The following CALR3 variants were observed in gnomAD, a reference collection of about 807,000 sequenced individuals.
CALR3 encodes calreticulin-3.
Under a neutral mutation model 48.7 loss-of-function variants are expected in CALR3, and 39 were observed. The observed-to-expected ratio is 0.80, with a 90% confidence interval of 0.62 to 1.05. The LOEUF is 1.05. CALR3 is among the 50% of genes least tolerant of loss of function. The pLI is 0.00. For synonymous variants in CALR3, 185 were observed against 172.7 expected (o/e 1.07, Z -0.56); for missense variants, 449 against 474.7 (o/e 0.95, Z 0.50).
chr19:16,483,679 C>T (rs189435926), intron 5 of CALR3: 1 of 445,814 alleles, frequency 2.2e-6, no homozygotes, highest in Non-Finnish European at 4.1e-6. Context: ...GATCACGCCA[C>T]TGCACTCCAG....
intron 3 of CALR3, among the ~76,000 whole-genome samples, chr19:16,486,456 C>G (rs2093389230): frequency 6.6e-6 from 1 of 151,712 alleles, no homozygotes; most frequent in Non-Finnish European, 1.5e-5. Context: ...CCCACCTCTA[C>G]TAAAAATACA....
chr19:16,482,832 T>C (rs2093383286), intron 5 of CALR3, 47 bp from the exon 6 acceptor site: 1 of 1,526,900 alleles, frequency 6.5e-7, no homozygotes, highest in Non-Finnish European at 8.9e-7. Context: ...GATGCTCATA[T>C]ATTTGTTGTT....
Position 16,484,041 on chromosome 19 carries a change from C to A in CALR3, c.567G>T (p.Gln189His). The A allele has an allele frequency of 6.2e-7, 1 of 1,614,070 alleles. No individual in the cohort carries two copies. Among genetic ancestry groups the A allele is most frequent in the Non-Finnish European group, 8.5e-7 (1 of 1,179,990 alleles). Reference sequence around the variant, plus strand: ...ACTCTATGCTGCCGGATTCAATTGACTGACCATCAATTTTCACATCATAAG... The same window carrying A: ...ACTCTATGCTGCCGGATTCAATTGAATGACCATCAATTTTCACATCATAAG... ...DLSYDVKIDGQSIESGSIEYD... is the reference protein window; with the variant it reads ...DLSYDVKIDGHSIESGSIEYD... The change falls in exon 5 of 9, where the codon CAG (glutamine) becomes CAT (histidine). Residue 189 changes from glutamine (Q) to histidine (H), a missense_variant. Gln to His is a conservative substitution (Grantham distance 24). Transcript: ENST00000269881.
intron 3 of CALR3, among the ~76,000 whole-genome samples, chr19:16,487,144 C>G (rs759562325): frequency 1.3e-4 from 19 of 151,712 alleles, no homozygotes; most frequent in Non-Finnish European, 1.8e-4. Context: ...TAGCTAGAAC[C>G]ACAGGGGTGC....
chr19:16,494,495 G>C (rs548870253), intron 2 of CALR3, among the ~76,000 whole-genome samples: 23 of 152,236 alleles, frequency 1.5e-4, no homozygotes, highest in Non-Finnish European at 2.6e-4. Flanking sequence ...CCGAGTAGCT[G>C]GGACTACAGG....
At chr19:16,495,648 T>C (rs898908308) in intron 2 of CALR3, 103 bp downstream of exon 2, 3 of 845,606 alleles carry the variant, frequency 3.5e-6, no homozygotes, top group African/African-American at 3.4e-5. Context: ...TGTCTTCATC[T>C]GTAAAACGGG....
Position 16,487,041 on chromosome 19 carries a change from T to C in CALR3, c.398-1784A>G, listed in dbSNP as rs1232070086. Reference sequence around the variant, plus strand: ...ATTTATTTCGGACAGGGTCTTATTCTGTCATCCAGGCTGGAGTGCAGTTGT... The same window carrying C: ...ATTTATTTCGGACAGGGTCTTATTCCGTCATCCAGGCTGGAGTGCAGTTGT... On this transcript the variant is annotated intron_variant, in intron 3 of 8. Coordinates refer to ENST00000269881, the MANE Select transcript of CALR3 (RefSeq NM_145046.5). Among the ~76,000 whole-genome samples, 3 of 152,304 alleles carry C rather than the reference T, an allele frequency of 2.0e-5. No individual in the cohort carries two copies. In the East Asian group the frequency reaches 5.8e-4, roughly 29 times the overall value.
At chr19:16,486,727 C>T (rs1399237021) in intron 3 of CALR3, among the ~76,000 whole-genome samples, 2 of 151,718 alleles carry the variant, frequency 1.3e-5, no homozygotes, top group East Asian at 3.9e-4. Flanking sequence ...ATAACTTATG[C>T]ATAGGAATTC....
At chr19:16,495,578 AAG>A (rs1157450334) in intron 2 of CALR3, among the ~76,000 whole-genome samples, 171 bp downstream of exon 2, 1 of 123,476 alleles carries the variant, frequency 8.1e-6, no homozygotes, top group East Asian at 2.2e-4. Flanking sequence ...AAAAAAAAAA[AAG>A]GAGAGAAGAA....
At position 16,490,389 on chromosome 19, in the gene CALR3, T is replaced by A; in HGVS notation, c.375A>T (p.Lys125Asn). Residue 125 changes from lysine to asparagine, a missense_variant, in exon 3 of 9, where the codon AAA becomes AAT. Lys to Asn is a moderately conservative substitution (Grantham distance 94). Transcript: ENST00000269881. ...ADIDQKNLNG[K>N]SQYYIMFGPD... ...CACCAAACATAATATAGTACTGCGA[T>A]TTTCCATTCAGGTTCTTCTGGTCAA... is the stretch of plus-strand genomic sequence containing the variant. The A allele has an allele frequency of 6.2e-7, 1 of 1,614,160 alleles. No homozygotes were observed. The highest frequency in any genetic ancestry group is 8.5e-7 in the Non-Finnish European group (1 of 1,180,030).
rs1212903941 is a variant in CALR3 at position 16,495,810 on chromosome 19, C to T, written c.134G>A (p.Arg45Gln). 2 of 1,613,974 alleles carry T rather than the reference C, an allele frequency of 1.2e-6. No homozygotes were observed. The highest frequency in any genetic ancestry group is 2.2e-5 in the East Asian group (1 of 44,890). Residue 45 changes from arginine to glutamine, a missense_variant, in exon 2 of 9, where the codon CGA (arginine) becomes CAA (glutamine). Transcript: ENST00000269881. ...NRWLQSTNDS[R>Q]FGHFRLSSGK... ...CGACGAAAGTCTAAAATGCCCAAAT[C>T]GGGAGTCATTGGTGGACTGCAACCA...
intron 7 of CALR3, 149 bp downstream of exon 7, chr19:16,482,301 G>T: frequency 9.1e-7 from 1 of 1,094,066 alleles, no homozygotes; most frequent in Non-Finnish European, 1.3e-6. Context: ...AGGATCGCTT[G>T]GGCCTAGTTT....
intron 3 of CALR3, among the ~76,000 whole-genome samples, chr19:16,487,961 C>T (rs949880422): frequency 6.6e-6 from 1 of 151,914 alleles, no homozygotes; most frequent in Non-Finnish European, 1.5e-5. Flanking sequence ...CTACAGGTGC[C>T]CACCACCACA....
At chr19:16,481,666 T>G (rs2093380906) in intron 7 of CALR3, among the ~76,000 whole-genome samples, 1 of 151,580 alleles carries the variant, frequency 6.6e-6, no homozygotes, top group Non-Finnish European at 1.5e-5. Flanking sequence ...ACCCAGCTAA[T>G]TTTTGTATTT....
chr19:16,486,994 A>AG (rs1220546328), intron 3 of CALR3, among the ~76,000 whole-genome samples: 5 of 152,098 alleles, frequency 3.3e-5, no homozygotes, highest in East Asian at 1.9e-4. Flanking sequence ...CATGCTATAT[A>AG]GGGGTCTTTA....
At chr19:16,485,443 C>T (rs2093387804) in intron 3 of CALR3, among the ~76,000 whole-genome samples, 186 bp from the exon 4 acceptor site, 1 of 151,730 alleles carries the variant, frequency 6.6e-6, no homozygotes, top group Admixed American at 6.6e-5. Context: ...CCTCAGCCTC[C>T]TGAGTAGCTG....
At position 16,490,500 on chromosome 19, in the gene CALR3, C is replaced by A. The variant is rs2093396170; in HGVS notation, c.264G>T (p.Gly88=). ...SARFKPFSNK[G]KTLVIQYTVK... ...CTGTGTACTGAATAACCAGAGTTTT[C>A]CCTTTATTGCTGAACGGTTTGAAGC... Residue 88 remains glycine, a synonymous_variant, in exon 3 of 9, where the codon GGG becomes GGT. Coordinates refer to ENST00000269881, the MANE Select transcript of CALR3 (RefSeq NM_145046.5). 3 of 1,613,970 alleles carry A rather than the reference C, an allele frequency of 1.9e-6. No homozygotes were observed. Among genetic ancestry groups the A allele is most frequent in the Non-Finnish European group, 2.5e-6 (3 of 1,180,026 alleles).
chr19:16,481,439 C>CTT (rs914072766), intron 7 of CALR3, among the ~76,000 whole-genome samples: 1 of 128,628 alleles, frequency 7.8e-6, no homozygotes, highest in African/African-American at 2.9e-5. Context: ...ATCACCAAAA[C>CTT]TTTTTTTTTT....
Position 16,496,079 on chromosome 19 carries a change from C to A in CALR3, c.51G>T (p.Ala17=). ...QLWAICMLRV[A]LATVYFQEEF... is the part of the protein sequence containing the mutation. ...CCTCTTGGAAATAGACGGTAGCCAGCGCCACTCGCAGCATGCATATGGCCC... is the reference window on the plus strand; with the variant it reads ...CCTCTTGGAAATAGACGGTAGCCAGAGCCACTCGCAGCATGCATATGGCCC... Residue 17 remains alanine (A), a synonymous_variant, in exon 1 of 9, where the codon GCG becomes GCT. Coordinates refer to ENST00000269881, the MANE Select transcript of CALR3 (RefSeq NM_145046.5). 4.4e-6 allele frequency: 7 copies of A among 1,607,062 alleles called. No individual in the cohort carries two copies. Among genetic ancestry groups the A allele is most frequent in the Admixed American group, 1.7e-5 (1 of 59,164 alleles).
Sources: gnomAD v4.1 joint callset for allele counts (sites outside exome capture counted in the v4.1 genomes callset) on GRCh38, gnomAD v4.1.1 for gene constraint, MANE v1.5 for transcripts, NCBI Gene and HGNC (gene_info 2026-07-23, HGNC 2026-07-21) for gene names.